EGFLAM: variants seen among roughly 807,000 people sequenced by gnomAD.
EGFLAM encodes the protein EGF like, fibronectin type III and laminin G domains.
A neutral mutation model predicts 113.1 loss-of-function variants in EGFLAM; 79 were observed. The ratio of observed to expected loss-of-function variants is 0.70; its 90% CI spans 0.58 to 0.84. The LOEUF (loss-of-function observed/expected upper bound fraction) is 0.84. EGFLAM is among the 40% of genes least tolerant of loss of function. EGFLAM has a pLI of 0.00. For synonymous variants in EGFLAM, 504 were observed against 487.6 expected, an observed-to-expected ratio of 1.03 and a Z score of -0.44; for missense variants, 1,265 against 1,291.6, an observed-to-expected ratio of 0.98 and a Z score of 0.32.
intron 19 of EGFLAM, among the ~76,000 whole-genome samples, chr5:38,454,779 T>G (rs1743031379): frequency 6.6e-6 from 1 of 152,132 alleles, no homozygotes; most frequent in Non-Finnish European, 1.5e-5. Flanking sequence ...AGTCCCAACT[T>G]TCATGACTTT....
intron 1 of EGFLAM, among the ~76,000 whole-genome samples, chr5:38,317,308 C>T (rs2589814): frequency 0.026 from 4,002 of 152,106 alleles, 202 homozygotes; most frequent in African/African-American, 0.091. Flanking sequence ...ATGTTGAGAC[C>T]GAAACTGCCC....
chr5:38,322,401 C>T (rs1003720663), intron 1 of EGFLAM, among the ~76,000 whole-genome samples: 19 of 152,142 alleles, frequency 1.2e-4, no homozygotes, highest in Admixed American at 6.5e-5. Flanking sequence ...CTCCACACTC[C>T]GCTCATGGGG....
At chr5:38,438,122 CAAAAAAAA>C (rs376621912) in intron 16 of EGFLAM, among the ~76,000 whole-genome samples, 145 bp from the exon 17 acceptor site, 1 of 97,384 alleles carries the variant, frequency 1.0e-5, no homozygotes, top group African/African-American at 3.2e-5. Flanking sequence ...ACTCCATCTC[CAAAAAAAA>C]AAAAAAAAAA....
chr5:38,425,039 A>C lies in EGFLAM; in HGVS notation c.1757A>C (p.Asp586Ala), dbSNP rs1741953004. ...GGCACCTGCACAGCAATCAAAGCCG[A>C]CTCCTACATTTGCCTCTGTCCCCTT... Reference protein sequence around the residue: ...HGGTCTAIKADSYICLCPLGF... With the variant: ...HGGTCTAIKAASYICLCPLGF... The change falls in exon 13 of 22, where the codon GAC becomes GCC. Residue 586 changes from aspartate to alanine, a missense_variant. Asp to Ala is a moderately radical substitution (Grantham distance 126). Coordinates refer to ENST00000322350, the MANE Select transcript of EGFLAM (RefSeq NM_152403.4). 1.2e-6 allele frequency: 2 copies of C among 1,613,852 alleles called. No homozygotes were observed. The highest frequency in any genetic ancestry group is 2.7e-5 in the African/African-American group (2 of 74,926).
intron 6 of EGFLAM, among the ~76,000 whole-genome samples, chr5:38,399,277 G>GTTTTTTTTTTT (rs797021726): frequency 2.2e-4 from 26 of 118,482 alleles, no homozygotes; most frequent in South Asian, 1.1e-3. Context: ...TTTTGTTTTC[G>GTTTTTTTTTTT]TTTTTTTTTT....
chr5:38,422,463 G>A (rs1008482743), intron 12 of EGFLAM, among the ~76,000 whole-genome samples: 1 of 152,106 alleles, frequency 6.6e-6, no homozygotes, highest in African/African-American at 2.4e-5. Context: ...TGGCACTGCA[G>A]CCCCCTTTGG....
At chr5:38,292,025 CA>C (rs1178285504) in intron 1 of EGFLAM, among the ~76,000 whole-genome samples, 1 of 152,172 alleles carries the variant, frequency 6.6e-6, no homozygotes, top group Admixed American at 6.5e-5. Context: ...ATGGTAACCC[CA>C]ACCCCTGCTT....
chr5:38,265,652 AT>A (rs1757614895), intron 1 of EGFLAM, among the ~76,000 whole-genome samples: 1 of 152,228 alleles, frequency 6.6e-6, no homozygotes, highest in Non-Finnish European at 1.5e-5. Context: ...GCCTCCTGAA[AT>A]GAGCGGGGGT....
chr5:38,284,883 G>A (rs1561262952), intron 1 of EGFLAM, among the ~76,000 whole-genome samples: 3 of 152,128 alleles, frequency 2.0e-5, no homozygotes. Flanking sequence ...TAATAACTAT[G>A]TATATTCAAA....
chr5:38,430,488 A>G (rs1368369768), intron 14 of EGFLAM, among the ~76,000 whole-genome samples: 1 of 152,194 alleles, frequency 6.6e-6, no homozygotes, highest in Non-Finnish European at 1.5e-5. Flanking sequence ...CTAAGCAGTA[A>G]TTAGTGTTTT....
intron 6 of EGFLAM, among the ~76,000 whole-genome samples, chr5:38,379,282 A>G (rs532275522): frequency 2.2e-4 from 34 of 152,264 alleles, no homozygotes; most frequent in African/African-American, 8.2e-4. Context: ...AAAGGTACAC[A>G]CATTTTGTAT....
At chr5:38,334,793 C>T (rs1039089366) in intron 1 of EGFLAM, among the ~76,000 whole-genome samples, 2 of 152,280 alleles carry the variant, frequency 1.3e-5, no homozygotes, top group African/African-American at 2.4e-5. Flanking sequence ...ATGTACACCA[C>T]TATAAACTTC....
At chr5:38,394,127 T>C (rs1420374410) in intron 6 of EGFLAM, among the ~76,000 whole-genome samples, 2 of 151,842 alleles carry the variant, frequency 1.3e-5, no homozygotes, top group Non-Finnish European at 2.9e-5. Context: ...CTGCTCACCG[T>C]TCAGCTGCTT....
Position 38,442,269 on chromosome 5 carries a change from AATGTT to A in EGFLAM, c.2464+3819_2464+3823del, listed in dbSNP as rs772115724. Among the ~76,000 whole-genome samples, 8 of 147,902 alleles carry A rather than the reference AATGTT, an allele frequency of 5.4e-5. No individual in the cohort carries two copies. The South Asian group carries it at 1.0e-3, about 19-fold the overall frequency. On this transcript the variant is annotated intron_variant, in intron 17 of 21. Coordinates refer to ENST00000322350, the MANE Select transcript of EGFLAM (RefSeq NM_152403.4). The stretch of plus-strand genomic sequence containing the variant: ...CTCTTTAATATAATTTAATATATTA[AATGTT>A]ATGTCATTTATTATATTAAAAATTA...
intron 1 of EGFLAM, among the ~76,000 whole-genome samples, chr5:38,293,354 A>G (rs1244200159): frequency 2.0e-5 from 3 of 152,234 alleles, no homozygotes; most frequent in African/African-American, 7.2e-5. Flanking sequence ...AAGGATAACA[A>G]TACTTATTGC....
intron 15 of EGFLAM, among the ~76,000 whole-genome samples, chr5:38,432,812 C>G (rs1742228240): frequency 6.6e-6 from 1 of 152,190 alleles, no homozygotes; most frequent in Admixed American, 6.5e-5. Flanking sequence ...CTATTAGGAT[C>G]TAAGAGACAA....
intron 1 of EGFLAM, among the ~76,000 whole-genome samples, chr5:38,298,027 G>T (rs1758486928): frequency 6.6e-6 from 1 of 152,158 alleles, no homozygotes; most frequent in African/African-American, 2.4e-5. Flanking sequence ...GAACATCCTG[G>T]GAAGAGCGGC....
In EGFLAM at chr5:38,434,532, C is replaced by A. The variant is rs111410318; in HGVS notation, c.2167-605C>A. On this transcript the variant is annotated intron_variant, in intron 15 of 21. Coordinates refer to ENST00000322350, the MANE Select transcript of EGFLAM (RefSeq NM_152403.4). ...TATTTGTATTTATTTTATCGTAAAT[C>A]AAAGAAAATAATAACTTAACATTAC... Among the ~76,000 whole-genome samples, 1,150 of 152,266 alleles carry A rather than the reference C, an allele frequency of 7.6e-3. 15 individuals carry two copies. Among genetic ancestry groups the A allele is most frequent in the African/African-American group, 0.026 (1,091 of 41,548 alleles).
chr5:38,400,040 A>G (rs1741065898), intron 6 of EGFLAM: 1 of 152,186 alleles, frequency 6.6e-6, no homozygotes, highest in Admixed American at 6.5e-5. Context: ...GGATCACAGA[A>G]TGTTAGTGCT....
Sources: allele counts gnomAD v4.1 joint callset (sites outside exome capture counted in the v4.1 genomes callset), GRCh38; gene constraint gnomAD v4.1.1; transcripts MANE v1.5; gene names NCBI Gene and HGNC (gene_info 2026-07-23, HGNC 2026-07-21).